The following WWOX variants were observed in gnomAD, a reference collection of about 807,000 sequenced individuals.
WWOX encodes WW domain-containing oxidoreductase.
Under a neutral mutation model 46.2 loss-of-function variants are expected in WWOX, and 69 were observed. That is an observed-to-expected ratio of 1.49 (90% CI 1.23 to 1.82). The LOEUF (loss-of-function observed/expected upper bound fraction) is 1.82. Ranked by LOEUF, WWOX falls within the 40% of genes most tolerant of loss-of-function variation. The pLI is 0.00. For missense variants in WWOX, 919 were observed against 542.6 expected, an observed-to-expected ratio of 1.69 and a Z score of -6.89; for synonymous variants, 359 against 202.6, an observed-to-expected ratio of 1.77 and a Z score of -6.56.
chr16:78,480,183 T>C (rs939844088), intron 8 of WWOX, among the ~76,000 whole-genome samples: 1 of 152,200 alleles, frequency 6.6e-6, no homozygotes, highest in African/African-American at 2.4e-5. Flanking sequence ...TGCTCTGAAA[T>C]AGCAGCCACA....
At chr16:78,802,943 C>CAAAAAAA (rs1044478788) in intron 8 of WWOX, among the ~76,000 whole-genome samples, 2 of 40,842 alleles carry the variant, frequency 4.9e-5, no homozygotes, top group Non-Finnish European at 9.0e-5. Flanking sequence ...AAAAAAAAAA[C>CAAAAAAA]AACAAACAGA....
intron 8 of WWOX, among the ~76,000 whole-genome samples, chr16:79,014,039 A>T (rs1347572832): frequency 6.6e-6 from 1 of 152,126 alleles, no homozygotes; most frequent in Non-Finnish European, 1.5e-5. Flanking sequence ...TAATTTAGAG[A>T]CTGTCAATTC....
intron 6 of WWOX, among the ~76,000 whole-genome samples, chr16:78,400,575 A>G (rs758535419): frequency 4.6e-5 from 7 of 152,232 alleles, no homozygotes; most frequent in Non-Finnish European, 8.8e-5. Flanking sequence ...TTATTTCCCA[A>G]CTTGGCCCAT....
intron 8 of WWOX, among the ~76,000 whole-genome samples, chr16:79,186,729 T>C (rs1018182344): frequency 1.3e-5 from 2 of 152,088 alleles, no homozygotes; most frequent in African/African-American, 4.8e-5. Context: ...ACCTCAAGTA[T>C]CTAGTATACT....
At chr16:78,366,678 A>C (rs368133311) in intron 5 of WWOX, among the ~76,000 whole-genome samples, 1 of 152,166 alleles carries the variant, frequency 6.6e-6, no homozygotes, top group East Asian at 1.9e-4. Context: ...CATGCTATTA[A>C]AGCTGAGTAT....
At chr16:78,397,714 G>C (rs1010041255) in intron 6 of WWOX, among the ~76,000 whole-genome samples, 1 of 152,216 alleles carries the variant, frequency 6.6e-6, no homozygotes, top group Non-Finnish European at 1.5e-5. Context: ...AAGGTTGGAG[G>C]AGATGCTTCT....
intron 8 of WWOX, among the ~76,000 whole-genome samples, chr16:78,578,254 T>TATATATATATATATATATATA (rs2044941404): frequency 3.2e-5 from 1 of 31,630 alleles, no homozygotes; most frequent in African/African-American, 9.7e-5. Context: ...ATACCAAATT[T>TATATATATATATATATATATA]TATATATATA....
At chr16:79,018,344 G>A (rs1033353002) in intron 8 of WWOX, among the ~76,000 whole-genome samples, 3 of 152,172 alleles carry the variant, frequency 2.0e-5, no homozygotes, top group Non-Finnish European at 4.4e-5. Flanking sequence ...TGGAGCCAAA[G>A]CCAAATAGTG....
chr16:79,014,404 A>C (rs2047372366), intron 8 of WWOX, among the ~76,000 whole-genome samples: 1 of 152,192 alleles, frequency 6.6e-6, no homozygotes, highest in South Asian at 2.1e-4. Flanking sequence ...TGGAACCTTT[A>C]AATTTTCTCA....
At chr16:78,554,395 T>G (rs2044240851) in intron 8 of WWOX, among the ~76,000 whole-genome samples, 1 of 152,162 alleles carries the variant, frequency 6.6e-6, no homozygotes, top group African/African-American at 2.4e-5. Context: ...TTCAAAAAAT[T>G]GCAACCTGAG....
At chr16:78,636,855 C>A (rs78747105) in intron 8 of WWOX, among the ~76,000 whole-genome samples, 2 of 152,120 alleles carry the variant, frequency 1.3e-5, no homozygotes, top group African/African-American at 4.8e-5. Flanking sequence ...ATGGTACAGC[C>A]CTGAGCTGCA....
At chr16:78,698,602 A>G (rs763466720) in intron 8 of WWOX, among the ~76,000 whole-genome samples, 4 of 152,214 alleles carry the variant, frequency 2.6e-5, no homozygotes, top group Non-Finnish European at 5.9e-5. Context: ...TCTAATATTA[A>G]TATCTTGCTT....
chr16:78,181,592 G>C (rs1422555804), intron 5 of WWOX, among the ~76,000 whole-genome samples: 1 of 152,176 alleles, frequency 6.6e-6, no homozygotes, highest in Non-Finnish European at 1.5e-5. Context: ...GGGAGAGGAG[G>C]AATTTAGGGT....
intron 8 of WWOX, among the ~76,000 whole-genome samples, chr16:78,890,076 T>G (rs901573193): frequency 6.6e-6 from 1 of 152,104 alleles, no homozygotes; most frequent in Admixed American, 6.6e-5. Context: ...TAATTGCTCC[T>G]AGGGAAATAC....
At position 78,494,710 on chromosome 16, in the gene WWOX, T is replaced by C. The variant is rs145199929; in HGVS notation, c.1056+61958T>C. On this transcript the variant is annotated intron_variant, in intron 8 of 8. Transcript: ENST00000566780. Reference sequence around the variant, plus strand: ...CAGTCATTTTTTGAGGAAAATAAATTTAAGGCTTGGTCATCGGTCCTTGAG... The same window carrying C: ...CAGTCATTTTTTGAGGAAAATAAATCTAAGGCTTGGTCATCGGTCCTTGAG... Among the ~76,000 whole-genome samples the C allele has an allele frequency of 7.2e-3, 1,091 of 152,254 alleles. 14 individuals are homozygous for C. Among genetic ancestry groups the C allele is most frequent in the African/African-American group, 0.022 (914 of 41,542 alleles).
At chr16:78,880,676 G>A (rs1483486900) in intron 8 of WWOX, among the ~76,000 whole-genome samples, 2 of 152,198 alleles carry the variant, frequency 1.3e-5, no homozygotes, top group South Asian at 2.1e-4. Flanking sequence ...CGAACTTGCT[G>A]ATGTACTCTT....
chr16:78,462,960 CTG>C (rs1184690354), intron 8 of WWOX, among the ~76,000 whole-genome samples: 1 of 152,204 alleles, frequency 6.6e-6, no homozygotes, highest in Non-Finnish European at 1.5e-5. Context: ...CGTGGGAGGA[CTG>C]TGATTTTGTA....
chr16:78,938,069 C>T (rs1022810629), intron 8 of WWOX, among the ~76,000 whole-genome samples: 4 of 152,180 alleles, frequency 2.6e-5, no homozygotes, highest in African/African-American at 9.7e-5. Flanking sequence ...TCTGGGCAGC[C>T]AGCAGCAGGG....
intron 8 of WWOX, among the ~76,000 whole-genome samples, chr16:78,924,104 G>A (rs140038489): frequency 9.2e-5 from 14 of 152,034 alleles, no homozygotes; most frequent in South Asian, 2.1e-4. Context: ...GACATGAGCC[G>A]CTGTGCCCGG....
Sources: allele counts gnomAD v4.1 joint callset (sites outside exome capture counted in the v4.1 genomes callset), GRCh38; gene constraint gnomAD v4.1.1; transcripts MANE v1.5; gene names NCBI Gene and HGNC (gene_info 2026-07-23, HGNC 2026-07-21).